Variants in NINJ2 observed in about 807,000 individuals in gnomAD.
NINJ2 encodes ninjurin-2.
A neutral mutation model predicts 11.7 loss-of-function variants in NINJ2; 12 were observed. The observed-to-expected ratio is 1.02, with a 90% CI of 0.66 to 1.66. NINJ2 has a LOEUF of 1.66. Ranked by LOEUF, NINJ2 falls within the 40% of genes most tolerant of loss-of-function variation. The pLI, the probability that NINJ2 is intolerant of heterozygous loss-of-function variation, is 0.00. For synonymous variants in NINJ2, 93 were observed against 76.8 expected (o/e 1.21, Z -1.10); for missense variants, 187 against 181.8 (o/e 1.03, Z -0.16).
In NINJ2 at chr12:566,055, C is replaced by A. The variant is rs367684274; in HGVS notation, c.157G>T (p.Val53Leu). The change falls in exon 2 of 4, where the codon GTG becomes TTG. Residue 53 changes from valine to leucine, a missense_variant. Val to Leu is a conservative substitution (Grantham distance 32). Coordinates refer to ENST00000305108, the MANE Select transcript of NINJ2 (RefSeq NM_016533.6). ...FMSNAMRLKA[V>L]LEQGPSSHYY... ...TGAGAGGATGGTCCCTGCTCCAGCACCGCCTTCAGCCGCATGGCGTTGGAC... is the reference window on the plus strand; with the variant it reads ...TGAGAGGATGGTCCCTGCTCCAGCAACGCCTTCAGCCGCATGGCGTTGGAC... 6.8e-6 allele frequency: 11 copies of A among 1,614,068 alleles called. No individual in the cohort carries two copies. The highest frequency in any genetic ancestry group is 2.2e-5 in the East Asian group (1 of 44,888).
In NINJ2 at chr12:662,638, A is replaced by G. The variant is rs143136797; in HGVS notation, c.33+690T>C. Among the ~76,000 whole-genome samples the G allele has an allele frequency of 3.5e-4, 54 of 152,286 alleles. No individual in the cohort carries two copies. In the East Asian group the frequency reaches 9.8e-3, roughly 28 times the overall value. ...TAGAAGGGTTCGTTCTATTCTATCCATTGGCAAGGAGTCACAGAGTGCAGC... is the reference window on the plus strand; with the variant it reads ...TAGAAGGGTTCGTTCTATTCTATCCGTTGGCAAGGAGTCACAGAGTGCAGC... On this transcript the variant is annotated intron_variant, in intron 1 of 3. Transcript: ENST00000305108.
chr12:623,892 G>C (rs181721700), intron 1 of NINJ2, among the ~76,000 whole-genome samples: 1 of 152,060 alleles, frequency 6.6e-6, no homozygotes, highest in Admixed American at 6.6e-5. Flanking sequence ...AAAGTAGCTA[G>C]GTGTGGTTGT....
chr12:637,662 GAAAAA>G (rs1200851082), intron 1 of NINJ2, among the ~76,000 whole-genome samples: 1 of 150,600 alleles, frequency 6.6e-6, no homozygotes, highest in Non-Finnish European at 1.5e-5. Context: ...AAAAGAAAAA[GAAAAA>G]GAAAAACCTT....
intron 1 of NINJ2, among the ~76,000 whole-genome samples, chr12:625,551 A>G (rs1306030459): frequency 6.6e-6 from 1 of 152,160 alleles, no homozygotes; most frequent in Non-Finnish European, 1.5e-5. Context: ...GTATTAGAAG[A>G]GGGAACATCT....
At chr12:589,256 A>C (rs974953053) in intron 1 of NINJ2, among the ~76,000 whole-genome samples, 16 of 152,246 alleles carry the variant, frequency 1.1e-4, no homozygotes, top group African/African-American at 3.6e-4. Flanking sequence ...AACAATGGAC[A>C]AAATGAAACA....
At chr12:589,836 T>C (rs1403569028) in intron 1 of NINJ2, among the ~76,000 whole-genome samples, 1 of 145,158 alleles carries the variant, frequency 6.9e-6, no homozygotes, top group African/African-American at 2.5e-5. Flanking sequence ...AGTTGGTAAA[T>C]TTAGGGGGGG....
At chr12:577,448 T>TACATATATATATGTGTATATATATATACA in intron 1 of NINJ2, among the ~76,000 whole-genome samples, 1 of 141,944 alleles carries the variant, frequency 7.0e-6, no homozygotes. Flanking sequence ...TATATAAATA[T>TACATATATATATGTGTATATATATATACA]TTTGGCACGA....
intron 1 of NINJ2, among the ~76,000 whole-genome samples, chr12:575,009 C>A (rs1199276175): frequency 6.6e-6 from 1 of 152,182 alleles, no homozygotes; most frequent in East Asian, 1.9e-4. Context: ...GGATTATACT[C>A]CCACGTGTGG....
At chr12:576,299 G>T (rs747358622) in intron 1 of NINJ2, among the ~76,000 whole-genome samples, 10 of 152,268 alleles carry the variant, frequency 6.6e-5, no homozygotes, top group Middle Eastern at 3.4e-3. Context: ...AGGAAACGGC[G>T]CGGCGAGGCC....
chr12:603,868 C>A (rs1231501124), intron 1 of NINJ2, among the ~76,000 whole-genome samples: 1 of 152,052 alleles, frequency 6.6e-6, no homozygotes, highest in Admixed American at 6.5e-5. Flanking sequence ...GCCATCTTGG[C>A]CAGTCTGGTT....
At chr12:567,270 T>G (rs1279693937) in intron 1 of NINJ2, among the ~76,000 whole-genome samples, 1 of 150,106 alleles carries the variant, frequency 6.7e-6, no homozygotes, top group African/African-American at 2.5e-5. Context: ...GGCCTGGAGG[T>G]AGGGAAGATG....
chr12:619,666 T>C (rs1430866623), intron 1 of NINJ2, among the ~76,000 whole-genome samples: 1 of 152,176 alleles, frequency 6.6e-6, no homozygotes, highest in East Asian at 1.9e-4. Context: ...GGCTTACACA[T>C]TCTTGGTAAG....
chr12:646,878 A>G lies in NINJ2; in HGVS notation c.33+16450T>C, dbSNP rs61916676. ...TTCCCTGGACAAGGGTTGTGGAAAC[A>G]GGGAGTTCACCTCTGGAGAGGCGCA... On this transcript the variant is annotated intron_variant, in intron 1 of 3. Transcript: ENST00000305108. 9.6e-3 allele frequency among the ~76,000 whole-genome samples: 1,456 copies of G among 152,302 alleles called. 17 individuals carry two copies. The highest frequency in any genetic ancestry group is 0.014 in the Non-Finnish European group (953 of 68,022).
intron 1 of NINJ2, among the ~76,000 whole-genome samples, chr12:647,414 C>G (rs1396301848): frequency 7.2e-6 from 1 of 139,376 alleles, no homozygotes; most frequent in African/African-American, 2.7e-5. Context: ...CATAGTAGCA[C>G]TGACAGTGTG....
At chr12:571,388 G>C (rs1474405494) in intron 1 of NINJ2, among the ~76,000 whole-genome samples, 1 of 151,980 alleles carries the variant, frequency 6.6e-6, no homozygotes, top group African/African-American at 2.4e-5. Context: ...CCAGCGGTTT[G>C]CCCCATTCCT....
At chr12:604,272 A>T (rs899118888) in intron 1 of NINJ2, among the ~76,000 whole-genome samples, 1 of 152,222 alleles carries the variant, frequency 6.6e-6, no homozygotes, top group Non-Finnish European at 1.5e-5. Context: ...ATAAGCTGCG[A>T]GGACAAAATA....
At chr12:648,963 AAAG>A (rs1645045676) in intron 1 of NINJ2, among the ~76,000 whole-genome samples, 1 of 140,126 alleles carries the variant, frequency 7.1e-6, no homozygotes, top group African/African-American at 2.7e-5. Flanking sequence ...CTATATTTTC[AAAG>A]AAGTCATCCA....
At chr12:610,145 G>T (rs10849333) in intron 1 of NINJ2, among the ~76,000 whole-genome samples, 42,864 of 151,900 alleles carry the variant, frequency 0.28, 6,334 homozygotes, top group Admixed American at 0.37. Context: ...TAACTTTGCA[G>T]AGTCATTTCC....
chr12:645,047 T>C (rs1286007036), intron 1 of NINJ2: 1 of 152,248 alleles, frequency 6.6e-6, no homozygotes, highest in Non-Finnish European at 1.5e-5. Context: ...ACAATCTCTC[T>C]TTAGTGCCAA....
Sources: allele counts gnomAD v4.1 joint callset (sites outside exome capture counted in the v4.1 genomes callset), GRCh38; gene constraint gnomAD v4.1.1; transcripts MANE v1.5; gene names NCBI Gene and HGNC (gene_info 2026-07-23, HGNC 2026-07-21).